Variants in KIF16B observed in about 807,000 individuals in gnomAD.
KIF16B encodes kinesin family member 16B, also known as kinesin-like protein KIF16B.
Under a neutral mutation model 156.3 loss-of-function variants are expected in KIF16B, and 98 were observed. The ratio of observed to expected loss-of-function variants is 0.63; its 90% CI spans 0.53 to 0.74. The LOEUF (loss-of-function observed/expected upper bound fraction) is 0.74, where lower values mean the gene tolerates loss of function less well. KIF16B is among the 30% of genes least tolerant of loss of function. The pLI is 0.00. For synonymous variants in KIF16B, 564 were observed against 583.7 expected (o/e 0.97, Z 0.49); for missense variants, 1,421 against 1,606.5 (o/e 0.88, Z 1.97).
At chr20:16,465,192 AG>A (rs2067456766) in intron 12 of KIF16B, among the ~76,000 whole-genome samples, 1 of 152,232 alleles carries the variant, frequency 6.6e-6, no homozygotes, top group African/African-American at 2.4e-5. Flanking sequence ...TGGGACAGAA[AG>A]GATTTCTAGT....
At chr20:16,278,930 G>A (rs1258110798) in intron 25 of KIF16B, among the ~76,000 whole-genome samples, 1 of 152,192 alleles carries the variant, frequency 6.6e-6, no homozygotes. Flanking sequence ...AGGCCTGATG[G>A]TGCTTTCGTG....
intron 22 of KIF16B, chr20:16,368,898 C>T (rs959202014): frequency 1.9e-5 from 19 of 985,708 alleles, no homozygotes; most frequent in Non-Finnish European, 2.2e-5. Context: ...TATGAGTCAT[C>T]AGCTCACTGA....
chr20:16,432,969 A>G (rs2066542093), intron 12 of KIF16B, among the ~76,000 whole-genome samples: 1 of 152,166 alleles, frequency 6.6e-6, no homozygotes, highest in Admixed American at 6.5e-5. Context: ...AGACTTCAGT[A>G]ACATTGATTT....
intron 25 of KIF16B, among the ~76,000 whole-genome samples, chr20:16,291,608 GA>G (rs2063316158): frequency 6.6e-6 from 1 of 152,178 alleles, no homozygotes; most frequent in Admixed American, 6.5e-5. Context: ...TCATCTAGGG[GA>G]TCCTGAAGGA....
At chr20:16,553,780 G>T (rs1490915616) in intron 1 of KIF16B, among the ~76,000 whole-genome samples, 1 of 152,336 alleles carries the variant, frequency 6.6e-6, no homozygotes, top group South Asian at 2.1e-4. Flanking sequence ...GGCTACAGCG[G>T]GGGAGGTGCA....
At chr20:16,314,026 A>G (rs558926191) in intron 24 of KIF16B, among the ~76,000 whole-genome samples, 16 of 152,212 alleles carry the variant, frequency 1.1e-4, no homozygotes, top group Non-Finnish European at 2.1e-4. Context: ...GGTTTCCAAA[A>G]CAGTTTTAGT....
intron 12 of KIF16B, among the ~76,000 whole-genome samples, chr20:16,448,409 A>G (rs566286666): frequency 2.0e-5 from 3 of 152,342 alleles, no homozygotes; most frequent in African/African-American, 7.2e-5. Flanking sequence ...AAGACAAGCC[A>G]AACTAGACAA....
intron 12 of KIF16B, among the ~76,000 whole-genome samples, chr20:16,468,366 G>T (rs2067555254): frequency 6.6e-6 from 1 of 152,126 alleles, no homozygotes; most frequent in South Asian, 2.1e-4. Flanking sequence ...GAGGTCAAGA[G>T]TTCGAGACCA....
At chr20:16,331,884 G>A (rs1884606) in intron 24 of KIF16B, among the ~76,000 whole-genome samples, 108,483 of 152,018 alleles carry the variant, frequency 0.71, 39,538 homozygotes, top group East Asian at 0.96. Context: ...CACTAATGAG[G>A]GCAATAATAA....
At chr20:16,356,186 C>T (rs1224918499) in intron 23 of KIF16B, 144 bp downstream of exon 23, 16 of 962,532 alleles carry the variant, frequency 1.7e-5, no homozygotes. Context: ...GTTTTACAGA[C>T]TGGTTTAAAG....
intron 1 of KIF16B, among the ~76,000 whole-genome samples, 175 bp from the exon 2 acceptor site, chr20:16,528,615 T>C (rs2069636893): frequency 6.6e-6 from 1 of 152,100 alleles, no homozygotes; most frequent in East Asian, 1.9e-4. Context: ...AACATGAAGA[T>C]ACGCAAAATG....
At chr20:16,364,466 TGA>T in intron 22 of KIF16B, among the ~76,000 whole-genome samples, 1 of 152,350 alleles carries the variant, frequency 6.6e-6, no homozygotes, top group South Asian at 2.1e-4. Context: ...TATAGCAGGC[TGA>T]ATACTCAGAC....
chr20:16,501,863 T>G (rs561347980), intron 10 of KIF16B, among the ~76,000 whole-genome samples: 101 of 152,244 alleles, frequency 6.6e-4, no homozygotes, highest in African/African-American at 2.4e-3. Context: ...AGGGGAGTAG[T>G]TCCTGAAAAG....
chr20:16,290,657 C>T (rs1568819577), intron 25 of KIF16B, among the ~76,000 whole-genome samples: 3 of 152,184 alleles, frequency 2.0e-5, no homozygotes, highest in Non-Finnish European at 4.4e-5. Context: ...TGCCCTGTGT[C>T]CCTTGGGGGA....
At chr20:16,282,855 G>T (rs1476353139) in intron 25 of KIF16B, among the ~76,000 whole-genome samples, 1 of 152,198 alleles carries the variant, frequency 6.6e-6, no homozygotes, top group Non-Finnish European at 1.5e-5. Context: ...AGGCCTTCAG[G>T]AAGTCTCTTC....
At chr20:16,548,932 A>G (rs2070519789) in intron 1 of KIF16B, among the ~76,000 whole-genome samples, 1 of 152,240 alleles carries the variant, frequency 6.6e-6, no homozygotes, top group African/African-American at 2.4e-5. Context: ...GAAAAGCAGC[A>G]AAGGGAAATG....
chr20:16,389,091 T>C (rs2146145349), intron 17 of KIF16B, among the ~76,000 whole-genome samples: 1 of 152,234 alleles, frequency 6.6e-6, no homozygotes, highest in Non-Finnish European at 1.5e-5. Context: ...GCATGGATAT[T>C]ACTCTATTAT....
intron 23 of KIF16B, among the ~76,000 whole-genome samples, chr20:16,342,634 G>A (rs6043903): frequency 1.1e-4 from 16 of 152,266 alleles, no homozygotes; most frequent in African/African-American, 3.1e-4. Flanking sequence ...TTTGTAACAC[G>A]AGTTCATAGT....
At chr20:16,413,767 C>A (rs1297208268) in intron 15 of KIF16B, among the ~76,000 whole-genome samples, 1 of 149,654 alleles carries the variant, frequency 6.7e-6, no homozygotes, top group African/African-American at 2.5e-5. Context: ...ACATAGGATG[C>A]AATGCACTGT....
Sources: gnomAD v4.1 joint callset for allele counts (sites outside exome capture counted in the v4.1 genomes callset) on GRCh38, gnomAD v4.1.1 for gene constraint, MANE v1.5 for transcripts, NCBI Gene and HGNC (gene_info 2026-07-23, HGNC 2026-07-21) for gene names.